The following POLA1 variants were observed in gnomAD, a reference collection of about 807,000 sequenced individuals.
The protein encoded by POLA1 is DNA polymerase alpha 1, catalytic subunit.
In POLA1, 15 loss-of-function variants were observed where a neutral mutation model predicts 124.0. The ratio of observed to expected loss-of-function variants is 0.12; its 90% CI spans 0.08 to 0.19. The LOEUF is 0.19. Among genes scored for constraint, POLA1 ranks in the 10% least tolerant of loss-of-function variants. The pLI, the probability that POLA1 is intolerant of heterozygous loss-of-function variation, is 1.00. For missense variants in POLA1, 886 were observed against 1,103.4 expected, an observed-to-expected ratio of 0.80 and a Z score of 2.79; for synonymous variants, 408 against 389.4, an observed-to-expected ratio of 1.05 and a Z score of -0.56.
intron 34 of POLA1, among the ~76,000 whole-genome samples, chrX:24,844,476 CAA>C (rs752074051): frequency 1.4e-4 from 12 of 83,474 alleles, no homozygotes; most frequent in African/African-American, 3.3e-4. Context: ...CAACACATTT[CAA>C]AAAAAAAAAA....
rs545328202 is a variant in POLA1, at chrX:24,977,928, A to G, written c.4262-17877A>G. Among the ~76,000 whole-genome samples, 94 of 111,195 alleles carry G rather than the reference A, an allele frequency of 8.5e-4. 1 individual carries two copies. The highest frequency in any genetic ancestry group is 4.6e-3 in the Middle Eastern group (1 of 216). On this transcript the variant is annotated intron_variant, in intron 36 of 36. Transcript: ENST00000379068. ...GGTTTGGGGTCTCTGTCTTGAATAT[A>G]CTTTGAACCGGTCTTCACTCATACT...
chrX:24,899,579 CCAAA>C (rs1272068213), intron 35 of POLA1, among the ~76,000 whole-genome samples: 1 of 111,650 alleles, frequency 9.0e-6, no homozygotes, highest in African/African-American at 3.3e-5. Flanking sequence ...GATGTCACTC[CCAAA>C]CAAAGACAGG....
rs5901763 is a variant in POLA1 at position 24,732,599 on chromosome X, G to GTTT, written c.1771+157_1771+159dup. 1,057 of 205,307 alleles carry GTTT rather than the reference G, an allele frequency of 5.1e-3. 2 individuals are homozygous for GTTT. Among genetic ancestry groups the GTTT allele is most frequent in the Non-Finnish European group, 6.7e-3 (823 of 122,507 alleles). The allele number at this position is 205,307 out of a possible 1,213,427, so 16.9% of individuals were successfully genotyped here. On this transcript the variant is annotated intron_variant, in intron 16 of 36. Transcript: ENST00000379068. Reference sequence around the variant, plus strand: ...GTTAAAGAGGGTTTTGTTTTTTTTTGTTTTTTTTTTTTTTGCCATGGAAAC... The same window carrying GTTT: ...GTTAAAGAGGGTTTTGTTTTTTTTTGTTTTTTTTTTTTTTTTTGCCATGGAAAC...
At chrX:24,902,214 G>A (rs2047290978) in intron 35 of POLA1, among the ~76,000 whole-genome samples, 1 of 112,268 alleles carries the variant, frequency 8.9e-6, no homozygotes, top group South Asian at 3.7e-4. Flanking sequence ...GATGATAAGA[G>A]AAGATTGCAT....
intron 36 of POLA1, among the ~76,000 whole-genome samples, chrX:24,952,046 G>A (rs2048053279): frequency 2.7e-5 from 3 of 111,583 alleles, no homozygotes; most frequent in Non-Finnish European, 5.6e-5. Flanking sequence ...GTGGTAACGA[G>A]GAGTCCTGAG....
chrX:24,993,745 T>C (rs1312375390), intron 36 of POLA1, among the ~76,000 whole-genome samples: 2 of 111,881 alleles, frequency 1.8e-5, no homozygotes, highest in East Asian at 2.8e-4. Context: ...CCATATGTTA[T>C]TGATTAAATT....
intron 16 of POLA1, 52 bp downstream of exon 16, chrX:24,732,506 T>TA: frequency 9.1e-6 from 7 of 772,170 alleles, no homozygotes; most frequent in Non-Finnish European, 1.4e-5. Context: ...TGAATTTCCT[T>TA]ATTTTTTCTC....
intron 26 of POLA1, among the ~76,000 whole-genome samples, chrX:24,799,507 G>A (rs897246391): frequency 1.8e-5 from 2 of 112,406 alleles, no homozygotes; most frequent in South Asian, 7.4e-4. Flanking sequence ...CTTCAGAATT[G>A]CCCAACTTCA....
intron 6 of POLA1, among the ~76,000 whole-genome samples, chrX:24,715,963 A>T: frequency 9.0e-6 from 1 of 111,468 alleles, no homozygotes; most frequent in South Asian, 3.8e-4. Flanking sequence ...TGCATTGTGA[A>T]TTTGAGATTT....
At chrX:24,951,717 T>G (rs1422350559) in intron 36 of POLA1, among the ~76,000 whole-genome samples, 1 of 111,611 alleles carries the variant, frequency 9.0e-6, no homozygotes, top group Non-Finnish European at 1.9e-5. Flanking sequence ...TTCATGTCTT[T>G]TCTTTTCCAT....
At position 24,724,365 on chromosome X, in the gene POLA1, G is replaced by C. The variant is rs754021263; in HGVS notation, c.1231G>C (p.Gly411Arg). ...KIDLNTGKET[G>R]TPISMKDVYE... ...TGATCTAAATACGGGGAAAGAAACA[G>C]GAACTCCAATTTCAATGAAGGATGT... The change falls in exon 12 of 37, where the codon GGA becomes CGA. Residue 411 changes from glycine to arginine, a missense_variant. Physicochemically the swap from Gly to Arg is moderately radical, Grantham distance 125. Transcript: ENST00000379068. The C allele has an allele frequency of 8.8e-7, 1 of 1,135,203 alleles. No homozygotes were observed. The allele number at this position is 1,135,203 out of a possible 1,213,427, so 93.6% of individuals were successfully genotyped here.
At chrX:24,799,352 G>C (rs2045666899) in intron 26 of POLA1, among the ~76,000 whole-genome samples, 1 of 112,313 alleles carries the variant, frequency 8.9e-6, no homozygotes, top group Non-Finnish European at 1.9e-5. Flanking sequence ...AATGACAAGG[G>C]ACAGCTTGTT....
Position 24,730,081 on chromosome X carries a change from G to T in POLA1, c.1686+2145G>T, listed in dbSNP as rs191013800. Among the ~76,000 whole-genome samples, 20 of 111,579 alleles carry T rather than the reference G, an allele frequency of 1.8e-4. No homozygotes were observed. The East Asian group carries it at 4.2e-3, about 24-fold the overall frequency. The stretch of plus-strand genomic sequence containing the variant: ...CAAAGTGCTGGAATTACAGGCGTGA[G>T]CCACTGCACCCGGCGTGATCTTTTA... On this transcript the variant is annotated intron_variant, in intron 15 of 36. Coordinates refer to ENST00000379068, the MANE Select transcript of POLA1 (RefSeq NM_001330360.2).
intron 36 of POLA1, among the ~76,000 whole-genome samples, chrX:24,986,617 C>T: frequency 9.2e-6 from 1 of 108,513 alleles, no homozygotes; most frequent in Non-Finnish European, 1.9e-5. Context: ...TATGGTAGTA[C>T]ATACCTATAC....
intron 32 of POLA1, among the ~76,000 whole-genome samples, chrX:24,835,232 AG>A (rs765939574): frequency 7.6e-4 from 83 of 109,760 alleles, no homozygotes; most frequent in African/African-American, 2.7e-3. Context: ...TTGTATTTTT[AG>A]TAGAGACGGG....
chrX:24,700,788 C>T (rs753748294), intron 2 of POLA1, among the ~76,000 whole-genome samples: 2 of 111,856 alleles, frequency 1.8e-5, no homozygotes, highest in South Asian at 3.7e-4. Flanking sequence ...GGATTACAGG[C>T]GTGAACCACC....
chrX:24,775,140 GA>G lies in POLA1; in HGVS notation c.2964+26151del, dbSNP rs1252106839. On this transcript the variant is annotated intron_variant, in intron 26 of 36. Coordinates refer to ENST00000379068, the MANE Select transcript of POLA1 (RefSeq NM_001330360.2). Reference sequence around the variant, plus strand: ...AAATACCTCAGGAAAACTTTAGAGTGAAAGTCCTGAAAAAATTTTCCACTCC... The same window carrying G: ...AAATACCTCAGGAAAACTTTAGAGTGAAGTCCTGAAAAAATTTTCCACTCC... 6.3e-5 allele frequency: 7 copies of G among 111,118 alleles called. No individual in the cohort carries two copies. In the Admixed American group the frequency reaches 6.7e-4, roughly 11 times the overall value. 9.2% of individuals were successfully genotyped at this position (111,118 alleles called of 1,213,427 possible).
intron 32 of POLA1, among the ~76,000 whole-genome samples, chrX:24,831,055 C>A (rs1229796654): frequency 2.7e-5 from 3 of 111,557 alleles, no homozygotes; most frequent in Non-Finnish European, 5.7e-5. Context: ...ACACACTTAA[C>A]CCAGTGTGTT....
intron 16 of POLA1, among the ~76,000 whole-genome samples, chrX:24,733,398 A>G (rs1164970881): frequency 8.9e-6 from 1 of 112,225 alleles, no homozygotes; most frequent in Non-Finnish European, 1.9e-5. Context: ...GCTTTGGTCA[A>G]TTTTACCTTT....
Sources: allele counts gnomAD v4.1 joint callset (sites outside exome capture counted in the v4.1 genomes callset), GRCh38; gene constraint gnomAD v4.1.1; transcripts MANE v1.5; gene names NCBI Gene and HGNC (gene_info 2026-07-23, HGNC 2026-07-21).